Variants in RTN4IP1 observed in about 807,000 individuals in gnomAD.
RTN4IP1 encodes the protein NAD(P)H oxidoreductase RTN4IP1, mitochondrial.
A neutral mutation model predicts 46.6 loss-of-function variants in RTN4IP1; 32 were observed. The observed-to-expected ratio is 0.69, with a 90% confidence interval of 0.52 to 0.92. The LOEUF (loss-of-function observed/expected upper bound fraction) is 0.92. Ranked by LOEUF, RTN4IP1 falls within the 40% of genes least tolerant of loss-of-function variation. The probability of loss-of-function intolerance (pLI) is 0.00; values close to 1 mark genes in which losing one functional copy is unlikely to be tolerated. For synonymous variants in RTN4IP1, 167 were observed against 161.8 expected (o/e 1.03, Z -0.24); for missense variants, 424 against 485.8 (o/e 0.87, Z 1.20).
chr6:106,606,370 A>C (rs1407556665), intron 4 of RTN4IP1, among the ~76,000 whole-genome samples: 1 of 152,204 alleles, frequency 6.6e-6, no homozygotes, highest in African/African-American at 2.4e-5. Flanking sequence ...CAGTGAGCTA[A>C]GATCGTGCCA....
chr6:106,589,262 GAA>G (rs1358706743), intron 6 of RTN4IP1, among the ~76,000 whole-genome samples: 1 of 15,424 alleles, frequency 6.5e-5, no homozygotes, highest in African/African-American at 1.2e-4. Flanking sequence ...AGGAGGAGGA[GAA>G]GGAGAAGAAG....
chr6:106,607,994 A>C (rs1181492354), intron 4 of RTN4IP1, among the ~76,000 whole-genome samples: 1 of 152,230 alleles, frequency 6.6e-6, no homozygotes, highest in African/African-American at 2.4e-5. Flanking sequence ...ATCCAGAGGA[A>C]GGAGAATCAG....
chr6:106,626,570 C>G (rs1241392120), intron 1 of RTN4IP1, among the ~76,000 whole-genome samples: 1 of 152,174 alleles, frequency 6.6e-6, no homozygotes, highest in Non-Finnish European at 1.5e-5. Context: ...GAGCCTGCAG[C>G]CCAAGGTTGT....
chr6:106,592,008 C>T (rs1490720472), intron 6 of RTN4IP1, among the ~76,000 whole-genome samples, 156 bp downstream of exon 6: 1 of 152,182 alleles, frequency 6.6e-6, no homozygotes, highest in Non-Finnish European at 1.5e-5. Context: ...GGAATTAAAA[C>T]AGAAGCCAAC....
chr6:106,576,702 T>A (rs1367042135), intron 8 of RTN4IP1, among the ~76,000 whole-genome samples: 1 of 152,248 alleles, frequency 6.6e-6, no homozygotes, highest in Admixed American at 6.5e-5. Flanking sequence ...CACGTGACTA[T>A]TTACGTTAAT....
intron 3 of RTN4IP1, among the ~76,000 whole-genome samples, chr6:106,621,170 C>T (rs534326585): frequency 1.9e-4 from 27 of 145,942 alleles, no homozygotes; most frequent in Middle Eastern, 3.7e-3. Flanking sequence ...AGGGTAAAAC[C>T]AAGCAACACA....
Position 106,629,118 on chromosome 6 carries a change from GC to G in RTN4IP1, c.-98del. 1 of 1,226,212 alleles carries G rather than the reference GC, an allele frequency of 8.2e-7. No homozygotes were observed. Among genetic ancestry groups the G allele is most frequent in the South Asian group, 1.5e-5 (1 of 68,322 alleles). The allele number at this position is 1,226,212 out of a possible 1,614,324, so 76.0% of individuals were successfully genotyped here. On this transcript the variant is annotated 5_prime_UTR_variant, in exon 1 of 9. An upstream open reading frame in the 5' UTR loses its in-frame stop. Transcript: ENST00000369063. ...TCAGTCAAATTCTGCCAAACCACGG[GC>G]TAGTTTCAAAATTAAGCATGCAAAA... is the stretch of plus-strand genomic sequence containing the variant.
At chr6:106,604,293 T>C (rs1044580293) in intron 4 of RTN4IP1, among the ~76,000 whole-genome samples, 4 of 152,200 alleles carry the variant, frequency 2.6e-5, no homozygotes, top group East Asian at 1.9e-4. Context: ...AACCATTAAA[T>C]GTAATTAAGC....
At chr6:106,599,829 T>G (rs1440408374) in intron 5 of RTN4IP1, among the ~76,000 whole-genome samples, 6 of 150,008 alleles carry the variant, frequency 4.0e-5, no homozygotes, top group Non-Finnish European at 8.9e-5. Context: ...GGAATTCTTG[T>G]GCTGTCCTTT....
chr6:106,624,891 A>G (rs967909687), intron 1 of RTN4IP1, among the ~76,000 whole-genome samples: 4 of 148,900 alleles, frequency 2.7e-5, no homozygotes, highest in African/African-American at 9.9e-5. Flanking sequence ...AGCCATGATC[A>G]CACCACTGCA....
Position 106,572,054 on chromosome 6 carries a change from G to A in RTN4IP1, c.1133C>T (p.Ala378Val). 1 of 1,614,052 alleles carries A rather than the reference G, an allele frequency of 6.2e-7. No homozygotes were observed. Among genetic ancestry groups the A allele is most frequent in the East Asian group, 2.2e-5 (1 of 44,882 alleles). The change falls in exon 9 of 9, where the codon GCC becomes GTC. Residue 378 changes from alanine to valine, a missense_variant. By Grantham distance (64) the Ala-to-Val change is moderately conservative. Coordinates refer to ENST00000369063, the MANE Select transcript of RTN4IP1 (RefSeq NM_032730.5). Reference protein sequence around the residue: ...QTFPFSKVPEAFLKVERGHAR... With the variant: ...QTFPFSKVPEVFLKVERGHAR... Reference sequence around the variant, plus strand: ...GTGTCCTCTTTCCACCTTCAGGAAGGCTTCTGGAACTTTAGAAAAAGGAAA... The same window carrying A: ...GTGTCCTCTTTCCACCTTCAGGAAGACTTCTGGAACTTTAGAAAAAGGAAA...
chr6:106,585,564 G>C (rs1194197293), intron 7 of RTN4IP1, among the ~76,000 whole-genome samples: 1 of 152,180 alleles, frequency 6.6e-6, no homozygotes, highest in Non-Finnish European at 1.5e-5. Flanking sequence ...TCTGTAAAGT[G>C]AAACTTTTGG....
At chr6:106,595,631 GAGATTACA>G (rs573326529) in intron 5 of RTN4IP1, among the ~76,000 whole-genome samples, 6,005 of 151,766 alleles carry the variant, frequency 0.04, 169 homozygotes, top group Non-Finnish European at 0.06. Flanking sequence ...CCGAGTAGCT[GAGATTACA>G]GGTGCCCACC....
chr6:106,613,323 C>T (rs1356827450), intron 4 of RTN4IP1, among the ~76,000 whole-genome samples: 2 of 152,166 alleles, frequency 1.3e-5, no homozygotes, highest in African/African-American at 4.8e-5. Context: ...GTCAACTCAC[C>T]TAAGCCACAT....
chr6:106,601,971 G>T (rs1430421662), intron 5 of RTN4IP1, among the ~76,000 whole-genome samples: 1 of 151,974 alleles, frequency 6.6e-6, no homozygotes, highest in Non-Finnish European at 1.5e-5. Flanking sequence ...TCATTCTTTT[G>T]CATGTGGATA....
At chr6:106,612,412 A>AG (rs1776247838) in intron 4 of RTN4IP1, among the ~76,000 whole-genome samples, 1 of 144,546 alleles carries the variant, frequency 6.9e-6, no homozygotes, top group African/African-American at 2.6e-5. Context: ...AAAAAAAAAA[A>AG]GCTTGTGATG....
intron 5 of RTN4IP1, among the ~76,000 whole-genome samples, chr6:106,598,365 C>T (rs951025999): frequency 2.6e-5 from 4 of 151,744 alleles, no homozygotes; most frequent in African/African-American, 9.7e-5. Context: ...CTGTTGTTTC[C>T]TGACTTTTTA....
intron 8 of RTN4IP1, among the ~76,000 whole-genome samples, chr6:106,575,658 C>T (rs184053592): frequency 1.3e-5 from 2 of 152,210 alleles, no homozygotes; most frequent in African/African-American, 4.8e-5. Context: ...CCTCAATTCC[C>T]GTTTTCCCAG....
chr6:106,593,814 C>A (rs1775719631), intron 5 of RTN4IP1, among the ~76,000 whole-genome samples: 1 of 152,106 alleles, frequency 6.6e-6, no homozygotes, highest in South Asian at 2.1e-4. Flanking sequence ...TGTTTATGGG[C>A]TGCAAACAGA....
Sources: gnomAD v4.1 joint callset for allele counts (sites outside exome capture counted in the v4.1 genomes callset) on GRCh38, gnomAD v4.1.1 for gene constraint, MANE v1.5 for transcripts, NCBI Gene and HGNC (gene_info 2026-07-23, HGNC 2026-07-21) for gene names.